SLX4IP: variants seen among roughly 807,000 people sequenced by gnomAD.
The protein encoded by SLX4IP is protein SLX4IP.
A neutral mutation model predicts 32.9 loss-of-function variants in SLX4IP; 34 were observed. That is an observed-to-expected ratio of 1.03 (90% CI 0.79 to 1.38). SLX4IP has a LOEUF of 1.38. Ranked by LOEUF, SLX4IP falls within the 40% of genes most tolerant of loss-of-function variation. The probability of loss-of-function intolerance (pLI) is 0.00; values close to 1 mark genes in which losing one functional copy is unlikely to be tolerated. For synonymous variants in SLX4IP, 172 were observed against 171.7 expected, an observed-to-expected ratio of 1.00 and a Z score of -0.01; for missense variants, 444 against 479.0, an observed-to-expected ratio of 0.93 and a Z score of 0.68.
intron 2 of SLX4IP, among the ~76,000 whole-genome samples, chr20:10,555,196 T>TAAAA (rs199832360): frequency 1.5e-5 from 2 of 137,728 alleles, no homozygotes; most frequent in Non-Finnish European, 3.2e-5. Context: ...GGACAGAATT[T>TAAAA]AAAAAAAAAA....
At chr20:10,482,667 C>T (rs181673360) in intron 2 of SLX4IP, among the ~76,000 whole-genome samples, 1 of 152,220 alleles carries the variant, frequency 6.6e-6, no homozygotes, top group Non-Finnish European at 1.5e-5. Flanking sequence ...GAACATCCTC[C>T]CTGTTGTTAA....
chr20:10,491,926 A>G (rs2065627126), intron 2 of SLX4IP, among the ~76,000 whole-genome samples: 1 of 152,200 alleles, frequency 6.6e-6, no homozygotes, highest in Non-Finnish European at 1.5e-5. Flanking sequence ...TCTACAAGCA[A>G]ATGTGCTCAT....
intron 7 of SLX4IP, among the ~76,000 whole-genome samples, chr20:10,622,299 CA>C (rs1289686306): frequency 7.2e-6 from 1 of 138,930 alleles, no homozygotes; most frequent in East Asian, 2.1e-4. Flanking sequence ...TTTGTGTACA[CA>C]GAGCCTGAGT....
At chr20:10,474,098 C>T (rs1424658476) in intron 2 of SLX4IP, among the ~76,000 whole-genome samples, 1 of 152,184 alleles carries the variant, frequency 6.6e-6, no homozygotes, top group Non-Finnish European at 1.5e-5. Context: ...GCTGGGATTA[C>T]AGGCGTGAGC....
intron 2 of SLX4IP, among the ~76,000 whole-genome samples, chr20:10,553,976 A>G (rs1019298059): frequency 1.3e-5 from 2 of 152,372 alleles, no homozygotes; most frequent in East Asian, 3.9e-4. Flanking sequence ...AGTGCATTTT[A>G]CACAGTGTTT....
intron 1 of SLX4IP, among the ~76,000 whole-genome samples, chr20:10,442,019 C>A (rs1307163706): frequency 6.6e-6 from 1 of 152,082 alleles, no homozygotes; most frequent in African/African-American, 2.4e-5. Flanking sequence ...TAGGGCTTTG[C>A]CTTTGCTGTT....
intron 2 of SLX4IP, among the ~76,000 whole-genome samples, chr20:10,472,625 C>G (rs1025330398): frequency 6.6e-6 from 1 of 152,142 alleles, no homozygotes; most frequent in Non-Finnish European, 1.5e-5. Context: ...GGGTTTGAAC[C>G]AGGGCCTTAA....
chr20:10,623,426 C>G lies in SLX4IP; in HGVS notation c.*47C>G. The G allele has an allele frequency of 3.9e-6, 6 of 1,547,298 alleles. No individual in the cohort carries two copies. The highest frequency in any genetic ancestry group is 5.2e-6 in the Non-Finnish European group (6 of 1,151,818). On this transcript the variant is annotated 3_prime_UTR_variant, in exon 8 of 8. Coordinates refer to ENST00000334534, the MANE Select transcript of SLX4IP (RefSeq NM_001009608.3). ...TGGAGTTGAGGACATAGTGGCCAAA[C>G]CTGTGACAAGAGAGCTGCGAATATA... is the stretch of plus-strand genomic sequence containing the variant.
At chr20:10,574,764 C>T (rs2066505376) in intron 4 of SLX4IP, among the ~76,000 whole-genome samples, 1 of 152,056 alleles carries the variant, frequency 6.6e-6, no homozygotes, top group South Asian at 2.1e-4. Flanking sequence ...CCACCACCTC[C>T]CAGGTTCAGG....
chr20:10,499,214 A>G (rs1291594433), intron 2 of SLX4IP, among the ~76,000 whole-genome samples: 1 of 152,068 alleles, frequency 6.6e-6, no homozygotes, highest in South Asian at 2.1e-4. Flanking sequence ...TACTCTCTTT[A>G]GTTAAATGAC....
At chr20:10,487,502 C>CTA (rs1051956251) in intron 2 of SLX4IP, among the ~76,000 whole-genome samples, 9 of 152,148 alleles carry the variant, frequency 5.9e-5, no homozygotes, top group African/African-American at 2.2e-4. Context: ...TTGAACTGTT[C>CTA]TAACAGTTAG....
At chr20:10,575,765 T>C (rs1401444398) in intron 4 of SLX4IP, among the ~76,000 whole-genome samples, 1 of 152,120 alleles carries the variant, frequency 6.6e-6, no homozygotes, top group Non-Finnish European at 1.5e-5. Context: ...TTTTTTTTTT[T>C]TCCTTTGGCC....
intron 4 of SLX4IP, among the ~76,000 whole-genome samples, chr20:10,561,545 C>CTTTTTT (rs749781715): frequency 7.2e-6 from 1 of 139,148 alleles, no homozygotes. Flanking sequence ...TTTCTTTTTT[C>CTTTTTT]TTTTTTTTTT....
chr20:10,589,832 G>A (rs1303553296), intron 4 of SLX4IP, among the ~76,000 whole-genome samples: 9 of 152,020 alleles, frequency 5.9e-5, no homozygotes, highest in Admixed American at 3.3e-4. Flanking sequence ...AAGTGACAAA[G>A]GGTCTCTGGG....
intron 1 of SLX4IP, among the ~76,000 whole-genome samples, chr20:10,454,340 C>T (rs979265370): frequency 6.6e-6 from 1 of 152,176 alleles, no homozygotes. Context: ...TAGTCCAATT[C>T]TCTGAATAGG....
At chr20:10,583,759 T>C (rs1371945303) in intron 4 of SLX4IP, among the ~76,000 whole-genome samples, 2 of 152,212 alleles carry the variant, frequency 1.3e-5, no homozygotes, top group Non-Finnish European at 2.9e-5. Flanking sequence ...AATGGAGCTT[T>C]TTATGATTTT....
At chr20:10,490,714 A>C (rs533608334) in intron 2 of SLX4IP, among the ~76,000 whole-genome samples, 2 of 152,272 alleles carry the variant, frequency 1.3e-5, no homozygotes, top group African/African-American at 4.8e-5. Flanking sequence ...GTAGGTCTGC[A>C]GTTTGAAATT....
chr20:10,483,044 C>T (rs2065538288), intron 2 of SLX4IP, among the ~76,000 whole-genome samples: 3 of 152,138 alleles, frequency 2.0e-5, no homozygotes, highest in Admixed American at 6.5e-5. Context: ...CATTTATTAT[C>T]TATAGTGATA....
intron 1 of SLX4IP, among the ~76,000 whole-genome samples, chr20:10,438,933 C>G (rs1215593116): frequency 6.6e-6 from 1 of 150,714 alleles, no homozygotes; most frequent in Non-Finnish European, 1.5e-5. Flanking sequence ...CTCTTGAATT[C>G]CTGGTCTCAA....
Sources: allele counts gnomAD v4.1 joint callset (sites outside exome capture counted in the v4.1 genomes callset), GRCh38; gene constraint gnomAD v4.1.1; transcripts MANE v1.5; gene names NCBI Gene and HGNC (gene_info 2026-07-23, HGNC 2026-07-21).